Variants in AXIN1 observed in about 807,000 individuals in gnomAD.
AXIN1 encodes axin 1.
Under a neutral mutation model 76.4 loss-of-function variants are expected in AXIN1, and 30 were observed. The ratio of observed to expected loss-of-function variants is 0.39; its 90% CI spans 0.29 to 0.53. The LOEUF (loss-of-function observed/expected upper bound fraction) is 0.53. AXIN1 is among the 20% of genes least tolerant of loss of function. The pLI is 0.66. For missense variants in AXIN1, 1,140 were observed against 1,198.8 expected (o/e 0.95, Z 0.72); for synonymous variants, 545 against 501.4 (o/e 1.09, Z -1.16).
At chr16:288,713 C>T (rs568978670) in intron 10 of AXIN1, among the ~76,000 whole-genome samples, 21 of 152,370 alleles carry the variant, frequency 1.4e-4, no homozygotes, top group Non-Finnish European at 2.6e-4. Flanking sequence ...CTCTGCTCAC[C>T]GCCCAGTGCT....
chr16:338,792 A>G (rs1260706843), intron 2 of AXIN1, among the ~76,000 whole-genome samples: 1 of 152,166 alleles, frequency 6.6e-6, no homozygotes, highest in Non-Finnish European at 1.5e-5. Context: ...GAGTGGGGGC[A>G]TGCACCTGTA....
chr16:344,322 T>C (rs907918672), intron 2 of AXIN1, among the ~76,000 whole-genome samples: 5 of 147,704 alleles, frequency 3.4e-5, no homozygotes, highest in African/African-American at 1.3e-4. Flanking sequence ...CCCAGCTACT[T>C]GGGAGGCTGG....
rs372721077 is a variant in AXIN1, at chr16:324,630, A to G, written c.879-9947T>C. On this transcript the variant is annotated intron_variant, in intron 2 of 10. Transcript: ENST00000262320. ...AAGACCACACGCCGCACGTCAGCACATGACACAGACACACTTACTTGATCC... is the reference window on the plus strand; with the variant it reads ...AAGACCACACGCCGCACGTCAGCACGTGACACAGACACACTTACTTGATCC... 4.8e-4 allele frequency among the ~76,000 whole-genome samples: 73 copies of G among 152,364 alleles called. 1 individual carries two copies. The highest frequency in any genetic ancestry group is 1.6e-3 in the African/African-American group (66 of 41,588).
chr16:288,737 C>G (rs559139465), intron 10 of AXIN1, among the ~76,000 whole-genome samples: 34 of 152,388 alleles, frequency 2.2e-4, no homozygotes, highest in Admixed American at 1.9e-3. Context: ...TCGGGAGCCT[C>G]CAAGGCTGGC....
At chr16:311,966 T>C (rs559179669) in intron 3 of AXIN1, among the ~76,000 whole-genome samples, 1 of 152,212 alleles carries the variant, frequency 6.6e-6, no homozygotes, top group African/African-American at 2.4e-5. Flanking sequence ...CTGAGTGTTG[T>C]GGGCAATGGT....
At chr16:317,404 C>T (rs1234079521) in intron 2 of AXIN1, among the ~76,000 whole-genome samples, 1 of 152,160 alleles carries the variant, frequency 6.6e-6, no homozygotes, top group African/African-American at 2.4e-5. Context: ...CTCAGCTGCT[C>T]GGGAGGCAGG....
In AXIN1 at chr16:291,285, C is replaced by A; in HGVS notation, c.2199G>T (p.Glu733Asp). The change falls in exon 9 of 11, where the codon GAG (glutamate) becomes GAT (aspartate). Residue 733 changes from glutamate to aspartate, a missense_variant. Coordinates refer to ENST00000262320, the MANE Select transcript of AXIN1 (RefSeq NM_003502.4). ...CGCAGGCGCGTCCCCGCCGCATAAC[C>A]TCCTGCACATACCTAGGGAACAACC... Reference protein sequence around the residue: ...RAPSKQRYVQEVMRRGRACVR... With the variant: ...RAPSKQRYVQDVMRRGRACVR... The A allele has an allele frequency of 1.3e-6, 2 of 1,579,488 alleles. No individual in the cohort carries two copies. The highest frequency in any genetic ancestry group is 2.3e-5 in the South Asian group (2 of 86,812).
intron 1 of AXIN1, among the ~76,000 whole-genome samples, chr16:347,441 G>C (rs567021008): frequency 6.6e-6 from 1 of 152,314 alleles, no homozygotes; most frequent in East Asian, 1.9e-4. Context: ...CTGAGGGACA[G>C]GGAAGGCAGG....
At chr16:289,285 C>T (rs577543417) in intron 10 of AXIN1, among the ~76,000 whole-genome samples, 155 bp downstream of exon 10, 2 of 152,106 alleles carry the variant, frequency 1.3e-5, no homozygotes, top group African/African-American at 4.8e-5. Context: ...AGGCTGGTCT[C>T]GAACTGCTGA....
intron 8 of AXIN1, 124 bp from the exon 9 acceptor site, chr16:291,421 G>T: frequency 1.2e-6 from 1 of 806,938 alleles, no homozygotes; most frequent in Non-Finnish European, 2.1e-6. Flanking sequence ...CCCACCCTGC[G>T]CAGGCTCCAG....
At chr16:339,210 A>G (rs2053865252) in intron 2 of AXIN1, among the ~76,000 whole-genome samples, 1 of 149,688 alleles carries the variant, frequency 6.7e-6, no homozygotes, top group South Asian at 2.1e-4. Flanking sequence ...AAAAAAAAAA[A>G]AAAAAAAAAA....
chr16:296,965 A>T (rs2052726996), intron 7 of AXIN1, 91 bp downstream of exon 7: 1 of 1,463,464 alleles, frequency 6.8e-7, no homozygotes, highest in South Asian at 1.1e-5. Flanking sequence ...GACACTCGCC[A>T]CACACACTGA....
At chr16:316,755 A>AGTG in intron 2 of AXIN1, among the ~76,000 whole-genome samples, 2 of 152,270 alleles carry the variant, frequency 1.3e-5, no homozygotes, top group Non-Finnish European at 2.9e-5. Context: ...CAATCATTCC[A>AGTG]TTTGATTCAC....
In AXIN1 at chr16:346,525, GA is replaced by G; in HGVS notation, c.500del (p.Phe167SerfsTer2). ...SRQTKPATKS[F>X]IKGCIMKQLI... ...GCTGCTTCATGATGCAGCCCTTTAT[GA>G]AGCTCTTGGTGGCTGGCTTGGTCTG... is the stretch of plus-strand genomic sequence containing the variant. On this transcript the variant is annotated frameshift_variant, in exon 2 of 11. Coordinates refer to ENST00000262320, the MANE Select transcript of AXIN1 (RefSeq NM_003502.4). LOFTEE classifies it high-confidence loss of function. 6.2e-7 allele frequency: 1 copy of G among 1,614,228 alleles called. No homozygotes were observed. Among genetic ancestry groups the G allele is most frequent in the Non-Finnish European group, 8.5e-7 (1 of 1,180,032 alleles).
In AXIN1 at chr16:293,943, C is replaced by T. The variant is rs1272488264; in HGVS notation, c.1956-225G>A. Among the ~76,000 whole-genome samples, 2 of 152,052 alleles carry T rather than the reference C, an allele frequency of 1.3e-5. No homozygotes were observed. The highest frequency in any genetic ancestry group is 2.4e-5 in the African/African-American group (1 of 41,420). On this transcript the variant is annotated intron_variant, in intron 7 of 10. Transcript: ENST00000262320. The surrounding 1 kb of genome is among the most constrained non-coding windows in gnomAD (Gnocchi z 4.6). The stretch of plus-strand genomic sequence containing the variant: ...CTGTAATCCCAGCATTTCGGGAGGC[C>T]GAGGCGGGCAGATCACCAGAGGTCG...
intron 2 of AXIN1, among the ~76,000 whole-genome samples, chr16:320,254 C>T (rs190414728): frequency 2.0e-5 from 3 of 152,266 alleles, no homozygotes; most frequent in Admixed American, 1.3e-4. Context: ...CTATGTCACC[C>T]AGGCTGGTCT....
chr16:328,814 C>T (rs566975385), intron 2 of AXIN1, among the ~76,000 whole-genome samples: 1 of 152,330 alleles, frequency 6.6e-6, no homozygotes, highest in Admixed American at 6.5e-5. Flanking sequence ...AGATGGCAGG[C>T]AGGGAGAGTG....
At chr16:297,007 G>C (rs376810355) in intron 7 of AXIN1, 49 bp downstream of exon 7, 28 of 1,596,580 alleles carry the variant, frequency 1.8e-5, no homozygotes, top group Admixed American at 3.3e-5. Context: ...GCGGAGGCCA[G>C]GGGTGGCAAA....
chr16:316,615 G>C (rs1183408226), intron 2 of AXIN1, among the ~76,000 whole-genome samples: 1 of 152,200 alleles, frequency 6.6e-6, no homozygotes, highest in Non-Finnish European at 1.5e-5. Flanking sequence ...AAGACTGCGA[G>C]AGAAAGAGAC....
Sources: allele counts gnomAD v4.1 joint callset (sites outside exome capture counted in the v4.1 genomes callset), GRCh38; gene constraint gnomAD v4.1.1; non-coding constraint Gnocchi (gnomAD v3.1); transcripts MANE v1.5; gene names NCBI Gene and HGNC (gene_info 2026-07-23, HGNC 2026-07-21).